ZBTB20: variants seen among roughly 807,000 people sequenced by gnomAD.
ZBTB20 encodes zinc finger and BTB domain-containing protein 20.
In ZBTB20, 9 loss-of-function variants were observed where a neutral mutation model predicts 56.9. That is an observed-to-expected ratio of 0.16 (90% CI 0.10 to 0.28). ZBTB20 has a LOEUF of 0.28. Ranked by LOEUF, ZBTB20 falls within the 10% of genes least tolerant of loss-of-function variation. The pLI, the probability that ZBTB20 is intolerant of heterozygous loss-of-function variation, is 1.00. For synonymous variants in ZBTB20, 417 were observed against 420.7 expected, an observed-to-expected ratio of 0.99 and a Z score of 0.11; for missense variants, 655 against 1,003.0, an observed-to-expected ratio of 0.65 and a Z score of 4.69.
chr3:114,433,144 G>GA (rs573329202), intron 7 of ZBTB20, among the ~76,000 whole-genome samples: 8 of 151,746 alleles, frequency 5.3e-5, no homozygotes, highest in Non-Finnish European at 7.4e-5. Context: ...CGAGGAAACA[G>GA]AAAAAAAAGA....
chr3:114,931,413 AC>A, intron 3 of ZBTB20: 1 of 226,426 alleles, frequency 4.4e-6, no homozygotes, highest in Admixed American at 5.0e-5. Flanking sequence ...CAGCCAGTCC[AC>A]CAGTCAAGAA....
chr3:114,965,404 C>CT (rs1306427182), intron 3 of ZBTB20, among the ~76,000 whole-genome samples: 1 of 152,038 alleles, frequency 6.6e-6, no homozygotes, highest in Non-Finnish European at 1.5e-5. Context: ...TTCCTCCTGT[C>CT]TAAGTGAAAT....
chr3:114,805,127 C>T (rs957671242), intron 4 of ZBTB20, among the ~76,000 whole-genome samples: 9 of 151,842 alleles, frequency 5.9e-5, no homozygotes, highest in Admixed American at 4.6e-4. Context: ...ATTTCCTTCA[C>T]TAGTTTTTCC....
chr3:114,890,392 T>C (rs185602383), intron 4 of ZBTB20, among the ~76,000 whole-genome samples: 37 of 152,246 alleles, frequency 2.4e-4, no homozygotes, highest in African/African-American at 8.9e-4. Flanking sequence ...ATGAAAACAA[T>C]AAGAACCTAC....
At chr3:114,409,615 C>T (rs1449539332) in intron 7 of ZBTB20, among the ~76,000 whole-genome samples, 1 of 151,990 alleles carries the variant, frequency 6.6e-6, no homozygotes, top group Admixed American at 6.6e-5. Flanking sequence ...AGGCTTGAAC[C>T]AGCTATAATT....
intron 6 of ZBTB20, among the ~76,000 whole-genome samples, chr3:114,585,149 C>T (rs1039627383): frequency 2.0e-5 from 3 of 151,970 alleles, no homozygotes; most frequent in East Asian, 1.9e-4. Flanking sequence ...TCAAACAGAA[C>T]GGCGAGAGGC....
At chr3:114,692,034 G>A (rs754389136) in intron 6 of ZBTB20, among the ~76,000 whole-genome samples, 3 of 152,018 alleles carry the variant, frequency 2.0e-5, no homozygotes, top group Non-Finnish European at 4.4e-5. Flanking sequence ...GAAAAGAAAC[G>A]TCAATACAGA....
chr3:114,872,055 A>T (rs530048134), intron 4 of ZBTB20, among the ~76,000 whole-genome samples: 1 of 152,230 alleles, frequency 6.6e-6, no homozygotes, highest in African/African-American at 2.4e-5. Flanking sequence ...CTTTTTAAAT[A>T]AGCAAACTCA....
At chr3:115,017,993 T>A (rs1185027473) in intron 2 of ZBTB20, among the ~76,000 whole-genome samples, 1 of 151,608 alleles carries the variant, frequency 6.6e-6, no homozygotes, top group Admixed American at 6.6e-5. Context: ...TTCAATGACT[T>A]CTTCCAAATT....
Position 114,321,956 on chromosome 3 carries a change from T to A in ZBTB20, c.*17049A>T, listed in dbSNP as rs1336216928. On this transcript the variant is annotated 3_prime_UTR_variant, in exon 12 of 12. Coordinates refer to ENST00000675478, the MANE Select transcript of ZBTB20 (RefSeq NM_001348800.3). ...ACTCACTACGACAAGAAAGGCACTA[T>A]CACAACAGATCAGCCTCCAAGCATT... 1 of 152,250 alleles carries A rather than the reference T, an allele frequency of 6.6e-6. No individual in the cohort carries two copies. Among genetic ancestry groups the A allele is most frequent in the Non-Finnish European group, 1.5e-5 (1 of 68,054 alleles). The allele number at this position is 152,250 out of a possible 1,614,324, so 9.4% of individuals were successfully genotyped here.
At chr3:114,344,507 T>C (rs558733068) in intron 11 of ZBTB20, among the ~76,000 whole-genome samples, 27 of 152,366 alleles carry the variant, frequency 1.8e-4, no homozygotes, top group African/African-American at 6.3e-4. Flanking sequence ...ATGGCTTTGA[T>C]AGTTTTACAG....
chr3:114,765,378 C>T (rs2108717536), intron 5 of ZBTB20, among the ~76,000 whole-genome samples: 1 of 152,176 alleles, frequency 6.6e-6, no homozygotes, highest in Non-Finnish European at 1.5e-5. Flanking sequence ...GAAATTTGGA[C>T]ATGGGCACAC....
chr3:115,114,462 A>C (rs892457127), intron 1 of ZBTB20, among the ~76,000 whole-genome samples: 35 of 152,330 alleles, frequency 2.3e-4, no homozygotes, highest in African/African-American at 8.2e-4. Context: ...AAATTTAGCT[A>C]GTAAATTTCC....
At position 114,314,999 on chromosome 3, in the gene ZBTB20, G is replaced by C. The variant is rs2078625203; in HGVS notation, c.*24006C>G. 6.6e-6 allele frequency: 1 copy of C among 152,076 alleles called. No individual in the cohort carries two copies. The highest frequency in any genetic ancestry group is 1.5e-5 in the Non-Finnish European group (1 of 68,010). 9.4% of individuals were successfully genotyped at this position (152,076 alleles called of 1,614,324 possible). A position where few individuals can be genotyped will look rare whatever the true frequency, so the allele number is the denominator to read the frequency against. ...AGTCTATATTTTAAAGCACTTGATAGAAAAGGCGTATGCAAGGTTTTTCCA... is the reference window on the plus strand; with the variant it reads ...AGTCTATATTTTAAAGCACTTGATACAAAAGGCGTATGCAAGGTTTTTCCA... On this transcript the variant is annotated 3_prime_UTR_variant, in exon 12 of 12. Transcript: ENST00000675478.
At chr3:114,620,435 C>T (rs9849945) in intron 6 of ZBTB20, among the ~76,000 whole-genome samples, 12 of 151,946 alleles carry the variant, frequency 7.9e-5, no homozygotes, top group South Asian at 4.2e-4. Context: ...TAGGATTACA[C>T]GCATGCGCCA....
chr3:114,440,375 C>T (rs143646649), intron 7 of ZBTB20, among the ~76,000 whole-genome samples: 1 of 152,236 alleles, frequency 6.6e-6, no homozygotes, highest in Non-Finnish European at 1.5e-5. Context: ...CACATCTGCT[C>T]TTACATGATA....
chr3:114,808,461 T>C (rs939721091), intron 4 of ZBTB20, among the ~76,000 whole-genome samples: 4 of 151,988 alleles, frequency 2.6e-5, no homozygotes, highest in African/African-American at 7.2e-5. Flanking sequence ...GTTTATAATA[T>C]AGTATTAACT....
chr3:114,621,136 T>G (rs550119405), intron 6 of ZBTB20, among the ~76,000 whole-genome samples: 2 of 152,218 alleles, frequency 1.3e-5, no homozygotes, highest in African/African-American at 4.8e-5. Flanking sequence ...TTTATATATA[T>G]AGCAATTAAT....
At chr3:114,759,692 T>A (rs913886093) in intron 5 of ZBTB20, among the ~76,000 whole-genome samples, 3 of 149,892 alleles carry the variant, frequency 2.0e-5, no homozygotes, top group Non-Finnish European at 4.5e-5. Context: ...CATTTAGCCT[T>A]AAAAAAAAAA....
Sources: allele counts gnomAD v4.1 joint callset (sites outside exome capture counted in the v4.1 genomes callset), GRCh38; gene constraint gnomAD v4.1.1; transcripts MANE v1.5; gene names NCBI Gene and HGNC (gene_info 2026-07-23, HGNC 2026-07-21).